DPP10: variants seen among roughly 807,000 people sequenced by gnomAD.
DPP10 encodes the protein inactive dipeptidyl peptidase 10.
In DPP10, 33 loss-of-function variants were observed where a neutral mutation model predicts 120.9. The ratio of observed to expected loss-of-function variants is 0.27; its 90% CI spans 0.21 to 0.37. The LOEUF (loss-of-function observed/expected upper bound fraction) is 0.37, where lower values mean the gene tolerates loss of function less well. DPP10 is among the 10% of genes least tolerant of loss of function. The pLI is 1.00. For synonymous variants in DPP10, 337 were observed against 326.1 expected (o/e 1.03, Z -0.36); for missense variants, 816 against 942.8 (o/e 0.87, Z 1.76).
At chr2:115,568,635 A>G (rs2081163599) in intron 5 of DPP10, among the ~76,000 whole-genome samples, 1 of 148,524 alleles carries the variant, frequency 6.7e-6, no homozygotes, top group Admixed American at 6.7e-5. Flanking sequence ...TCTATCGCGT[A>G]CTTGGTCGTT....
At chr2:115,398,843 C>T (rs949889) in intron 3 of DPP10, among the ~76,000 whole-genome samples, 120,452 of 152,048 alleles carry the variant, frequency 0.79, 48,157 homozygotes, top group Non-Finnish European at 0.85. Flanking sequence ...AAAAAGAGGT[C>T]TGTTTCCATG....
chr2:115,404,681 A>G (rs1213098584), intron 3 of DPP10, among the ~76,000 whole-genome samples: 1 of 152,164 alleles, frequency 6.6e-6, no homozygotes, highest in Admixed American at 6.6e-5. Context: ...TGGAAAGTGC[A>G]ACATTGGGAA....
chr2:115,176,237 T>C (rs183611078), intron 1 of DPP10, among the ~76,000 whole-genome samples: 92 of 148,928 alleles, frequency 6.2e-4, no homozygotes, highest in Admixed American at 1.4e-3. Context: ...GTCTATACTA[T>C]TTATATATGT....
intron 1 of DPP10, among the ~76,000 whole-genome samples, chr2:115,171,213 T>C (rs2053297190): frequency 6.6e-6 from 1 of 151,868 alleles, no homozygotes; most frequent in Non-Finnish European, 1.5e-5. Context: ...ATACAAAAAT[T>C]AGCCAGGTGT....
chr2:114,512,809 A>T (rs1684255391), intron 1 of DPP10, among the ~76,000 whole-genome samples: 1 of 152,214 alleles, frequency 6.6e-6, no homozygotes. Flanking sequence ...GCCTGTGTAG[A>T]TGTTGTCCTC....
intron 1 of DPP10, among the ~76,000 whole-genome samples, chr2:114,802,591 T>C (rs1684351766): frequency 6.6e-6 from 1 of 152,100 alleles, no homozygotes; most frequent in African/African-American, 2.4e-5. Flanking sequence ...GTGTTGTGGG[T>C]CAATAATGAA....
chr2:115,360,315 C>CTGTAGTGAATGTTTTGTAT (rs2064683102), intron 3 of DPP10, among the ~76,000 whole-genome samples: 1 of 152,062 alleles, frequency 6.6e-6, no homozygotes, highest in Non-Finnish European at 1.5e-5. Flanking sequence ...GAGGGTGTGA[C>CTGTAGTGAATGTTTTGTAT]TGTAGTGAAT....
At chr2:115,619,097 T>C (rs1451657133) in intron 5 of DPP10, among the ~76,000 whole-genome samples, 1 of 148,560 alleles carries the variant, frequency 6.7e-6, no homozygotes, top group Non-Finnish European at 1.5e-5. Flanking sequence ...CATTTGTCTC[T>C]CAATTTTTCA....
At chr2:115,102,005 G>A (rs2048712340) in intron 1 of DPP10, among the ~76,000 whole-genome samples, 1 of 152,220 alleles carries the variant, frequency 6.6e-6, no homozygotes. Flanking sequence ...ACATAAAAAA[G>A]TAAACGTACA....
At chr2:114,579,282 A>T (rs1690301797) in intron 1 of DPP10, among the ~76,000 whole-genome samples, 1 of 152,168 alleles carries the variant, frequency 6.6e-6, no homozygotes, top group Non-Finnish European at 1.5e-5. Flanking sequence ...GAGGGAGTGG[A>T]GTGAACTGCT....
chr2:114,843,539 T>C (rs1688322612), intron 1 of DPP10, among the ~76,000 whole-genome samples: 2 of 152,144 alleles, frequency 1.3e-5, no homozygotes, highest in African/African-American at 4.8e-5. Flanking sequence ...TTTTAGAATG[T>C]GTCCTTAAAT....
intron 21 of DPP10, among the ~76,000 whole-genome samples, chr2:115,823,650 G>A (rs139251306): frequency 6.6e-6 from 1 of 152,220 alleles, no homozygotes; most frequent in African/African-American, 2.4e-5. Context: ...TTGGGGTTGT[G>A]CCTTTTTCTA....
chr2:115,214,456 C>A (rs1441241983), intron 1 of DPP10, among the ~76,000 whole-genome samples: 1 of 152,084 alleles, frequency 6.6e-6, no homozygotes, highest in Non-Finnish European at 1.5e-5. Context: ...TTGAAATTAT[C>A]TGTATCAACC....
chr2:114,757,484 G>T (rs1679885851), intron 1 of DPP10, among the ~76,000 whole-genome samples: 1 of 152,112 alleles, frequency 6.6e-6, no homozygotes, highest in Admixed American at 6.5e-5. Context: ...TTGCATACCA[G>T]GCTGTGCCTT....
At chr2:115,507,436 A>G (rs1487589724) in intron 4 of DPP10, among the ~76,000 whole-genome samples, 1 of 152,200 alleles carries the variant, frequency 6.6e-6, no homozygotes, top group African/African-American at 2.4e-5. Context: ...TTGTTGAAAA[A>G]TAACATAGGG....
chr2:115,802,586 C>T (rs900762416), intron 19 of DPP10, among the ~76,000 whole-genome samples: 11 of 152,182 alleles, frequency 7.2e-5, no homozygotes, highest in African/African-American at 2.4e-4. Flanking sequence ...AAATTTCCCT[C>T]TACACACTGC....
intron 1 of DPP10, among the ~76,000 whole-genome samples, chr2:115,080,202 G>A (rs1708157105): frequency 6.6e-6 from 1 of 152,092 alleles, no homozygotes; most frequent in African/African-American, 2.4e-5. Flanking sequence ...GTTCTTAGTA[G>A]AGACAGGGTT....
At chr2:115,765,855 G>C (rs1216063974) in intron 12 of DPP10, among the ~76,000 whole-genome samples, 1 of 151,942 alleles carries the variant, frequency 6.6e-6, no homozygotes, top group East Asian at 1.9e-4. Flanking sequence ...ACCTTGAATG[G>C]TATATTATCT....
chr2:114,795,847 A>C (rs1683660495), intron 1 of DPP10, among the ~76,000 whole-genome samples: 1 of 152,204 alleles, frequency 6.6e-6, no homozygotes, highest in African/African-American at 2.4e-5. Flanking sequence ...TAACAAGTTA[A>C]AAATTATCAA....
Sources: allele counts gnomAD v4.1 joint callset (sites outside exome capture counted in the v4.1 genomes callset), GRCh38; gene constraint gnomAD v4.1.1; transcripts MANE v1.5; gene names NCBI Gene and HGNC (gene_info 2026-07-23, HGNC 2026-07-21).